Variants in NBPF14 observed in about 807,000 individuals in gnomAD.
NBPF14 encodes NBPF member 14, also known as NBPF family member NBPF14.
NBPF14 carries 104 observed loss-of-function variants against 91.2 expected under a neutral mutation model. The ratio of observed to expected loss-of-function variants is 1.14; its 90% confidence interval spans 0.97 to 1.34. The LOEUF is 1.34. NBPF14 is among the 40% of genes most tolerant of loss of function. The pLI is 0.00. For synonymous variants in NBPF14, 294 were observed against 303.8 expected (o/e 0.97, Z 0.34); for missense variants, 908 against 783.0 (o/e 1.16, Z -1.91).
chr1:148,559,655 C>A, intron 37 of NBPF14, 138 bp downstream of exon 37: 1 of 598,806 alleles, frequency 1.7e-6, no homozygotes, highest in Non-Finnish European at 2.8e-6. Flanking sequence ...ACTAGAGTTT[C>A]ATTCAACCTA....
At chr1:148,535,055 GGAGA>G (rs1241465362) in intron 68 of NBPF14, among the ~76,000 whole-genome samples, 199 bp from the exon 69 acceptor site, 15 of 144,994 alleles carry the variant, frequency 1.0e-4, no homozygotes, top group East Asian at 4.0e-4. Context: ...ACAGGGAGAG[GGAGA>G]GAGAGAGAGA....
chr1:148,554,754 G>A (rs1310448489), intron 43 of NBPF14, among the ~76,000 whole-genome samples: 1 of 147,236 alleles, frequency 6.8e-6, no homozygotes, highest in Non-Finnish European at 1.5e-5. Flanking sequence ...TGAAATTAGA[G>A]TGAAGGATGA....
exon 37 of NBPF14, chr1:148,559,806 A>T: frequency 1.3e-6 from 2 of 1,526,078 alleles, no homozygotes; most frequent in Non-Finnish European, 8.8e-7. Flanking sequence ...CCATGTCAAC[A>T]GCCAAGCCAA....
intron 16 of NBPF14, among the ~76,000 whole-genome samples, chr1:148,576,050 G>A (rs1263040606): frequency 0.059 from 8,716 of 146,518 alleles, 869 homozygotes; most frequent in African/African-American, 0.2. Context: ...TCAGCGAATT[G>A]GCCGGGTGAC....
Position 148,534,925 on chromosome 1 carries a change from T to G in NBPF14, c.8442-69A>C, listed in dbSNP as rs1368217202. The G allele has an allele frequency of 3.5e-5, 26 of 736,996 alleles. 1 individual carries two copies. Among genetic ancestry groups the G allele is most frequent in the Non-Finnish European group, 5.7e-5 (23 of 403,692 alleles). 45.7% of individuals were successfully genotyped at this position (736,996 alleles called of 1,614,324 possible). On this transcript the variant is annotated intron_variant, in intron 68 of 70. Coordinates refer to ENST00000619423, the Ensembl canonical transcript of NBPF14. Reference sequence around the variant, plus strand: ...GAAACCACACAGCCCCAGCTAGATTTCATGGCTAACATAAGGAACAGTTTA... The same window carrying G: ...GAAACCACACAGCCCCAGCTAGATTGCATGGCTAACATAAGGAACAGTTTA...
chr1:148,559,240 C>T (rs1210639196), intron 37 of NBPF14, among the ~76,000 whole-genome samples, 168 bp from the exon 38 acceptor site: 1 of 113,156 alleles, frequency 8.8e-6, no homozygotes, highest in Admixed American at 8.6e-5. Context: ...CATAGAGATT[C>T]CTTGGTTTTT....
intron 34 of NBPF14, among the ~76,000 whole-genome samples, chr1:148,561,852 G>A (rs1488682962): frequency 3.7e-5 from 5 of 135,694 alleles, no homozygotes; most frequent in Non-Finnish European, 7.4e-5. Context: ...GAGAGAACGA[G>A]CTCAGTGAAT....
chr1:148,578,058 C>T, intron 13 of NBPF14, 24 bp from the exon 14 acceptor site: 1 of 690,000 alleles, frequency 1.4e-6, no homozygotes, highest in East Asian at 2.5e-5. Flanking sequence ...CAGATGTGCC[C>T]TCTTACATTA....
intron 7 of NBPF14, 77 bp from the exon 8 acceptor site, chr1:148,587,480 C>G: frequency 1.4e-6 from 2 of 1,385,974 alleles, no homozygotes; most frequent in South Asian, 2.4e-5. Context: ...GGACAGGAGC[C>G]AGGTCCATCC....
intron 16 of NBPF14, among the ~76,000 whole-genome samples, chr1:148,576,171 T>C (rs1471721115): frequency 5.0e-5 from 5 of 100,914 alleles, no homozygotes; most frequent in Non-Finnish European, 7.2e-5. Context: ...TTGCTCAAGA[T>C]TCCATGCAGT....
In NBPF14 at chr1:148,566,019, T is replaced by G; in HGVS notation, c.3715+124A>C. On this transcript the variant is annotated intron_variant, in intron 29 of 70. Transcript: ENST00000619423. ...ACTAGAGTTTCATTCAACCTACATG[T>G]GCCTATAGGTCCTCCCTGTGGCAAT... 3 of 229,980 alleles carry G rather than the reference T, an allele frequency of 1.3e-5. 1 individual carries two copies. Among genetic ancestry groups the G allele is most frequent in the Non-Finnish European group, 2.3e-5 (3 of 131,306 alleles). The allele number at this position is 229,980 out of a possible 1,614,324, so 14.2% of individuals were successfully genotyped here.
At chr1:148,586,782 A>G (rs1661598461) in intron 8 of NBPF14, among the ~76,000 whole-genome samples, 4 of 141,826 alleles carry the variant, frequency 2.8e-5, no homozygotes, top group Non-Finnish European at 6.3e-5. Context: ...GGCCATGGAC[A>G]TTTCCATGTG....
chr1:148,533,985 A>G lies in NBPF14; in HGVS notation c.8615-16T>C, dbSNP rs782582675. ...TTTTCAATTTCTGCAATAAATTCAG[A>G]CATGGACAGACACATTAAGCTGATT... On this transcript the variant is annotated splice_polypyrimidine_tract_variant and intron_variant, in intron 69 of 70. Coordinates refer to ENST00000619423, the Ensembl canonical transcript of NBPF14. The G allele has an allele frequency of 4.3e-6, 3 of 698,222 alleles. No homozygotes were observed. Among genetic ancestry groups the G allele is most frequent in the South Asian group, 1.5e-5 (1 of 67,944 alleles). The allele number at this position is 698,222 out of a possible 1,614,324, so 43.3% of individuals were successfully genotyped here.
intron 12 of NBPF14, among the ~76,000 whole-genome samples, chr1:148,580,947 G>A (rs1660818858): frequency 1.0e-5 from 1 of 98,748 alleles, no homozygotes; most frequent in African/African-American, 4.3e-5. Context: ...ACATTGGTGT[G>A]CTTCACCCAT....
At chr1:148,589,847 C>G (rs1662157536) in intron 6 of NBPF14, among the ~76,000 whole-genome samples, 1 of 148,204 alleles carries the variant, frequency 6.7e-6, no homozygotes, top group Admixed American at 6.7e-5. Context: ...ATTCTCATCC[C>G]TCAGCCTGCC....
intron 40 of NBPF14, 149 bp from the exon 41 acceptor site, chr1:148,557,011 G>C: frequency 1.6e-5 from 5 of 305,914 alleles, no homozygotes; most frequent in Non-Finnish European, 1.0e-5. Flanking sequence ...CCTTCATGTT[G>C]GGACAGAACA....
Position 148,539,416 on chromosome 1 carries a change from C to T in NBPF14, c.7876G>A (p.Val2626Met), listed in dbSNP as rs1655528910. 4.0e-5 allele frequency: 13 copies of T among 324,180 alleles called. 2 individuals carry two copies. The highest frequency in any genetic ancestry group is 8.9e-4 in the Middle Eastern group (1 of 1,122). The allele number at this position is 324,180 out of a possible 1,614,324, so 20.1% of individuals were successfully genotyped here. A position where few individuals can be genotyped will look rare whatever the true frequency, so the allele number is the denominator to read the frequency against. The stretch of plus-strand genomic sequence containing the variant: ...TTCACAGTAAGGTACTCACTGTCCA[C>T]GTCAAGAGCCAAGCCAAGGTACTGT... The change falls in exon 63 of 71, where the codon GTG becomes ATG. Residue 2626 changes from valine to methionine, a missense_variant. This residue lies in a region of NBPF14 where 279 missense variants were observed against 107.7 expected (regional missense o/e 2.59). Coordinates refer to ENST00000619423, the Ensembl canonical transcript of NBPF14.
chr1:148,534,708 G>C (rs1412006188), exon 69 of NBPF14: 14 of 839,286 alleles, frequency 1.7e-5, no homozygotes, highest in South Asian at 1.5e-4. Context: ...GCCAAGCCAA[G>C]GTACTGTTCC....
exon 37 of NBPF14, chr1:148,559,803 A>T (rs1657392828): frequency 1.3e-6 from 2 of 1,520,644 alleles, no homozygotes; most frequent in Non-Finnish European, 8.8e-7. Flanking sequence ...CATCCATGTC[A>T]ACAGCCAAGC....
Sources: gnomAD v4.1 joint callset for allele counts (sites outside exome capture counted in the v4.1 genomes callset) on GRCh38, gnomAD v4.1.1 for gene constraint, gnomAD v4.1.1 regional missense constraint, MANE v1.5 for transcripts, NCBI Gene and HGNC (gene_info 2026-07-23, HGNC 2026-07-21) for gene names.